KIF3B: variants seen among roughly 807,000 people sequenced by gnomAD.
The protein encoded by KIF3B is kinesin-like protein KIF3B.
In KIF3B, 38 loss-of-function variants were observed where a neutral mutation model predicts 74.3. That is an observed-to-expected ratio of 0.51 (90% CI 0.39 to 0.67). KIF3B has a LOEUF of 0.67. KIF3B is among the 30% of genes least tolerant of loss of function. KIF3B has a pLI of 0.00. For missense variants in KIF3B, 649 were observed against 932.0 expected (o/e 0.70, Z 3.95); for synonymous variants, 326 against 342.5 (o/e 0.95, Z 0.53).
At chr20:32,303,748 G>A (rs1186785388) in intron 1 of KIF3B, among the ~76,000 whole-genome samples, 2 of 151,362 alleles carry the variant, frequency 1.3e-5, no homozygotes, top group African/African-American at 2.4e-5. Flanking sequence ...CCAGCTATTC[G>A]GGAGGCTGAG....
Position 32,309,960 on chromosome 20 carries a change from C to T in KIF3B, c.183C>T (p.Ala61=), listed in dbSNP as rs780255460. The change falls in exon 2 of 9, where the codon GCC becomes GCT. Residue 61 remains alanine (A), a synonymous_variant. Coordinates refer to ENST00000375712, the MANE Select transcript of KIF3B (RefSeq NM_004798.4). ...TGCCCAAGACCTTCACCTTTGATGC[C>T]GTCTATGACTGGAATGCCAAGCAGT... ...HEMPKTFTFD[A]VYDWNAKQFE... 16 of 1,613,984 alleles carry T rather than the reference C, an allele frequency of 9.9e-6. No homozygotes were observed. The African/African-American group carries it at 1.3e-4, about 13-fold the overall frequency.
At chr20:32,305,427 G>A (rs752140954) in intron 1 of KIF3B, among the ~76,000 whole-genome samples, 2 of 151,838 alleles carry the variant, frequency 1.3e-5, no homozygotes, top group African/African-American at 4.8e-5. Context: ...CATATATACC[G>A]GTAAAGTACT....
intron 5 of KIF3B, among the ~76,000 whole-genome samples, chr20:32,324,960 G>C (rs763500810): frequency 6.6e-6 from 1 of 152,156 alleles, no homozygotes; most frequent in Non-Finnish European, 1.5e-5. Context: ...GAACCTGGGA[G>C]ACGAAGGTTG....
chr20:32,316,430 C>T, intron 3 of KIF3B, 97 bp from the exon 4 acceptor site: 4 of 1,570,396 alleles, frequency 2.5e-6, no homozygotes, highest in Non-Finnish European at 3.5e-6. Context: ...CAAGGTGTGT[C>T]TGCCTCATCC....
intron 2 of KIF3B, among the ~76,000 whole-genome samples, chr20:32,313,249 T>A (rs1569202388): frequency 2.0e-5 from 3 of 152,032 alleles, no homozygotes; most frequent in Non-Finnish European, 4.4e-5. Context: ...CAGAGGAGAG[T>A]GCAAAGGTAG....
At position 32,326,859 on chromosome 20, in the gene KIF3B, A is replaced by G. The variant is rs1267690550; in HGVS notation, c.1837A>G (p.Lys613Glu). The G allele has an allele frequency of 1.9e-6, 3 of 1,578,308 alleles. No individual in the cohort carries two copies. Among genetic ancestry groups the G allele is most frequent in the Non-Finnish European group, 2.6e-6 (3 of 1,150,258 alleles). ...AFFDEEEDHW[K>E]LHPITRLENQ... is the part of the protein sequence containing the mutation. ...CTTTGATGAAGAGGAAGATCATTGG[A>G]AACTACATCCTATAACCAGACTGGA... Residue 613 changes from lysine (K) to glutamate (E), a missense_variant, in exon 6 of 9, where the codon AAA (lysine) becomes GAA (glutamate). Lys to Glu is a moderately conservative substitution (Grantham distance 56). Around this residue, in one of 4 missense-constraint regions of KIF3B, gnomAD observed 186 missense variants for 198.5 expected, o/e 0.94. Coordinates refer to ENST00000375712, the MANE Select transcript of KIF3B (RefSeq NM_004798.4).
intron 1 of KIF3B, among the ~76,000 whole-genome samples, chr20:32,303,633 C>G (rs1320461764): frequency 1.3e-5 from 2 of 151,170 alleles, no homozygotes; most frequent in African/African-American, 4.9e-5. Flanking sequence ...TTTGGGAGGC[C>G]AAGGCAGGTG....
chr20:32,290,746 G>A lies in KIF3B; in HGVS notation c.-66+12981G>A, dbSNP rs2047687453. On this transcript the variant is annotated intron_variant, in intron 1 of 8. Transcript: ENST00000375712. ...AATAATAAATTAGCTCAGTATGGTG[G>A]CATGTACCTGTAGTCTCAGCTACTC... Among the ~76,000 whole-genome samples, 4 of 151,966 alleles carry A rather than the reference G, an allele frequency of 2.6e-5. No homozygotes were observed. The South Asian group carries it at 8.3e-4, about 32-fold the overall frequency.
intron 1 of KIF3B, among the ~76,000 whole-genome samples, chr20:32,278,266 C>T (rs2047625982): frequency 1.3e-5 from 2 of 151,964 alleles, no homozygotes; most frequent in African/African-American, 4.8e-5. Context: ...ACCAAGAGGG[C>T]AGTTTGAAGT....
chr20:32,291,273 T>C (rs1323437059), intron 1 of KIF3B, among the ~76,000 whole-genome samples: 1 of 152,200 alleles, frequency 6.6e-6, no homozygotes, highest in Non-Finnish European at 1.5e-5. Context: ...TTTACTGTAA[T>C]TTTAAAAAAA....
intron 7 of KIF3B, 146 bp from the exon 8 acceptor site, chr20:32,329,995 C>T: frequency 1.6e-6 from 1 of 630,376 alleles, no homozygotes; most frequent in Non-Finnish European, 2.6e-6. Context: ...TGTAAAACGG[C>T]ATCACTTCTT....
chr20:32,295,206 A>G (rs1600420451), intron 1 of KIF3B, among the ~76,000 whole-genome samples: 1 of 151,986 alleles, frequency 6.6e-6, no homozygotes, highest in African/African-American at 2.4e-5. Context: ...TGTGGCTCTT[A>G]TATGTTCTTT....
intron 1 of KIF3B, among the ~76,000 whole-genome samples, chr20:32,303,172 C>T (rs767847953): frequency 1.3e-5 from 2 of 152,120 alleles, no homozygotes; most frequent in Non-Finnish European, 1.5e-5. Flanking sequence ...TTTCTTTACA[C>T]GGCTTGAGAT....
At chr20:32,317,274 G>C (rs563297499) in intron 5 of KIF3B, among the ~76,000 whole-genome samples, 1 of 152,156 alleles carries the variant, frequency 6.6e-6, no homozygotes, top group East Asian at 1.9e-4. Context: ...TCCTTCTCCA[G>C]CTCATCTCCT....
chr20:32,318,649 C>T (rs1330309600), intron 5 of KIF3B, among the ~76,000 whole-genome samples: 1 of 152,208 alleles, frequency 6.6e-6, no homozygotes, highest in African/African-American at 2.4e-5. Flanking sequence ...ATCTGGTAGT[C>T]CCAACATCAA....
chr20:32,279,022 C>G (rs1182234808), intron 1 of KIF3B, among the ~76,000 whole-genome samples: 1 of 146,528 alleles, frequency 6.8e-6, no homozygotes, highest in East Asian at 2.2e-4. Context: ...CTCGTGTGTT[C>G]AAGCGATTCT....
chr20:32,278,945 A>C (rs956154105), intron 1 of KIF3B, among the ~76,000 whole-genome samples: 1 of 88,738 alleles, frequency 1.1e-5, no homozygotes, highest in African/African-American at 3.5e-5. Context: ...TTTTTTTGAG[A>C]CAGAGTCTTA....
chr20:32,309,626 A>G, intron 1 of KIF3B, 87 bp from the exon 2 acceptor site: 1 of 767,296 alleles, frequency 1.3e-6, no homozygotes, highest in Non-Finnish European at 2.1e-6. Flanking sequence ...GGTTAGCAAG[A>G]TGAAGACTAT....
chr20:32,299,205 C>T (rs1200350277), intron 1 of KIF3B, among the ~76,000 whole-genome samples: 1 of 151,482 alleles, frequency 6.6e-6, no homozygotes. Context: ...CAACTCTATT[C>T]ACCTCTATAG....
Sources: gnomAD v4.1 joint callset for allele counts (sites outside exome capture counted in the v4.1 genomes callset) on GRCh38, gnomAD v4.1.1 for gene constraint, gnomAD v4.1.1 regional missense constraint, MANE v1.5 for transcripts, NCBI Gene and HGNC (gene_info 2026-07-23, HGNC 2026-07-21) for gene names.